The following EBF4 variants were observed in gnomAD, a reference collection of about 807,000 sequenced individuals.
The protein encoded by EBF4 is transcription factor COE4.
A neutral mutation model predicts 67.1 loss-of-function variants in EBF4; 34 were observed. That is an observed-to-expected ratio of 0.51 (90% confidence interval 0.39 to 0.67). EBF4 has a LOEUF of 0.67. Among genes scored for constraint, EBF4 ranks in the 30% least tolerant of loss-of-function variants. The pLI is 0.00. For synonymous variants in EBF4, 387 were observed against 377.7 expected (o/e 1.02, Z -0.29); for missense variants, 837 against 873.3 (o/e 0.96, Z 0.52).
At chr20:2,736,260 C>T (rs2087875344) in intron 6 of EBF4, among the ~76,000 whole-genome samples, 1 of 152,110 alleles carries the variant, frequency 6.6e-6, no homozygotes, top group East Asian at 1.9e-4. Context: ...TATGGATACT[C>T]CCTGGCATTT....
chr20:2,729,857 G>A (rs1461970330), intron 6 of EBF4, among the ~76,000 whole-genome samples: 1 of 152,194 alleles, frequency 6.6e-6, no homozygotes, highest in Admixed American at 6.5e-5. Flanking sequence ...CCCTCACAGG[G>A]AGTGAAGGAA....
rs2088233401 is a variant in EBF4 at position 2,755,749 on chromosome 20, G to GC, written c.1665dup (p.Phe556LeufsTer29). 1 of 1,550,740 alleles carries GC rather than the reference G, an allele frequency of 6.4e-7. No homozygotes were observed. The highest frequency in any genetic ancestry group is 1.4e-5 in the African/African-American group (1 of 73,060). The stretch of plus-strand genomic sequence containing the variant: ...GATCTCCGCCGTCAAACAGAGGAGC[G>GC]CCTTCGCCCCCGTGCTGCGCCCCCC... On this transcript the variant is annotated frameshift_variant, in exon 15 of 17. Coordinates refer to ENST00000609451, the Ensembl canonical transcript of EBF4. LOFTEE classifies it high-confidence loss of function. The surrounding 1 kb of genome is among the most constrained non-coding windows in gnomAD (Gnocchi z 4.7).
chr20:2,701,035 T>C (rs2087367467), intron 1 of EBF4, among the ~76,000 whole-genome samples: 1 of 152,226 alleles, frequency 6.6e-6, no homozygotes, highest in Non-Finnish European at 1.5e-5. Flanking sequence ...GCAGGGCTCT[T>C]GCCCACTCTG....
At chr20:2,734,947 C>T (rs1181444888) in intron 6 of EBF4, among the ~76,000 whole-genome samples, 1 of 152,196 alleles carries the variant, frequency 6.6e-6, no homozygotes, top group Non-Finnish European at 1.5e-5. Flanking sequence ...CCTCTCCCTG[C>T]ACATATGCAT....
intron 6 of EBF4, among the ~76,000 whole-genome samples, chr20:2,738,978 C>T (rs572105441): frequency 7.8e-4 from 119 of 152,248 alleles, no homozygotes; most frequent in South Asian, 2.3e-3. Flanking sequence ...CACCTCTACC[C>T]GGGTGGGGAT....
chr20:2,749,884 C>G (rs939941906), exon 10 of EBF4: 2 of 1,551,468 alleles, frequency 1.3e-6, no homozygotes, highest in Non-Finnish European at 1.7e-6. Flanking sequence ...CAGACGCCCC[C>G]GCGGCACATC....
Position 2,755,871 on chromosome 20 carries a change from G to A in EBF4, c.1738+47G>A, listed in dbSNP as rs1233434611. On this transcript the variant is annotated intron_variant, in intron 15 of 16. Coordinates refer to ENST00000609451, the Ensembl canonical transcript of EBF4. This position sits in a 1 kb window ranked among gnomAD's most constrained non-coding sequence, Gnocchi z 4.7. ...ACTGTGGCAGGAAGGAAGGGCCCTTGTGGAGCAGCTGGGCTACAGGGGCCT... is the reference window on the plus strand; with the variant it reads ...ACTGTGGCAGGAAGGAAGGGCCCTTATGGAGCAGCTGGGCTACAGGGGCCT... The A allele has an allele frequency of 1.3e-6, 2 of 1,513,814 alleles. No individual in the cohort carries two copies. Among genetic ancestry groups the A allele is most frequent in the South Asian group, 1.2e-5 (1 of 81,896 alleles). The allele number at this position is 1,513,814 out of a possible 1,614,324, so 93.8% of individuals were successfully genotyped here.
intron 6 of EBF4, among the ~76,000 whole-genome samples, chr20:2,719,375 A>G (rs1342544448): frequency 6.6e-6 from 1 of 152,204 alleles, no homozygotes; most frequent in Non-Finnish European, 1.5e-5. Context: ...CCCAGGCTCA[A>G]GCGATTCTCC....
chr20:2,711,901 A>C (rs1234171510), intron 6 of EBF4, among the ~76,000 whole-genome samples: 1 of 152,242 alleles, frequency 6.6e-6, no homozygotes. Flanking sequence ...AAAAGATGAC[A>C]TTTGAGCCAA....
chr20:2,698,763 C>T (rs6037346), intron 1 of EBF4, among the ~76,000 whole-genome samples: 45,386 of 151,990 alleles, frequency 0.3, 8,380 homozygotes, highest in African/African-American at 0.52. Flanking sequence ...GCTTGTCCCC[C>T]GTAGCCCTAG....
At chr20:2,731,764 T>C (rs2087817345) in intron 6 of EBF4, among the ~76,000 whole-genome samples, 1 of 152,218 alleles carries the variant, frequency 6.6e-6, no homozygotes, top group Non-Finnish European at 1.5e-5. Context: ...ATGGTATTCC[T>C]TTTAGAACAG....
chr20:2,758,744 C>T, intron 15 of EBF4, 165 bp from the exon 16 acceptor site: 2 of 654,272 alleles, frequency 3.1e-6, no homozygotes, highest in South Asian at 3.5e-5. Flanking sequence ...GAGAGGCACC[C>T]CTCACCCCGA....
In EBF4 at chr20:2,755,734, G is replaced by A. The variant is rs371934009; in HGVS notation, c.1648G>A (p.Val550Ile). ...CTCGCCTGTCAACATGATCTCCGCC[G>A]TCAAACAGAGGAGCGCCTTCGCCCC... Residue 550 changes from valine to isoleucine, a missense_variant, in exon 15 of 17, where the codon GTC (valine) becomes ATC (isoleucine). Physicochemically the swap from Val to Ile is conservative, Grantham distance 29. Around this residue, in one of 3 missense-constraint regions of EBF4, gnomAD observed 525 missense variants for 496.5 expected, o/e 1.06. Coordinates refer to ENST00000609451, the Ensembl canonical transcript of EBF4. This position sits in a 1 kb window ranked among gnomAD's most constrained non-coding sequence, Gnocchi z 4.7. The A allele has an allele frequency of 7.2e-5, 111 of 1,550,630 alleles. No individual in the cohort carries two copies. The highest frequency in any genetic ancestry group is 9.0e-5 in the Non-Finnish European group (103 of 1,146,886).
intron 1 of EBF4, among the ~76,000 whole-genome samples, chr20:2,699,343 A>G (rs1345888473): frequency 6.6e-6 from 1 of 152,216 alleles, no homozygotes; most frequent in East Asian, 1.9e-4. Flanking sequence ...ACCCATGCTC[A>G]CTACAAAGCA....
At chr20:2,719,838 T>G (rs1048566915) in intron 6 of EBF4, among the ~76,000 whole-genome samples, 4 of 152,266 alleles carry the variant, frequency 2.6e-5, no homozygotes, top group African/African-American at 9.6e-5. Context: ...ATATTTTGCC[T>G]GCGCTTGTGA....
Position 2,758,718 on chromosome 20 carries a change from C to T in EBF4, c.1739-191C>T, listed in dbSNP as rs903789134. On this transcript the variant is annotated intron_variant, in intron 15 of 16. Transcript: ENST00000609451. ...AGGTAGGGAGCAAGGGCGTGGGCTG[C>T]ATCCCCTGAGCATCTGAGAGGCACC... 21 of 617,602 alleles carry T rather than the reference C, an allele frequency of 3.4e-5. No individual in the cohort carries two copies. In the Admixed American group the frequency reaches 3.4e-4, roughly 10 times the overall value. The allele number at this position is 617,602 out of a possible 1,614,324, so 38.3% of individuals were successfully genotyped here.
Position 2,709,660 on chromosome 20 carries a change from G to T in EBF4, c.557+18G>T. On this transcript the variant is annotated intron_variant, in intron 6 of 16. Transcript: ENST00000609451. ...ATTGACAGGTACAGGCTCAGGGAGG[G>T]GGCCTGGAAGCTCAGAGGAGAGTGG... is the stretch of plus-strand genomic sequence containing the variant. 1 of 1,524,862 alleles carries T rather than the reference G, an allele frequency of 6.6e-7. No homozygotes were observed. The highest frequency in any genetic ancestry group is 8.8e-7 in the Non-Finnish European group (1 of 1,130,446). The allele number at this position is 1,524,862 out of a possible 1,614,324, so 94.5% of individuals were successfully genotyped here. A position where few individuals can be genotyped will look rare whatever the true frequency, so the allele number is the denominator to read the frequency against.
chr20:2,737,697 G>C (rs965710912), intron 6 of EBF4, among the ~76,000 whole-genome samples: 1 of 151,952 alleles, frequency 6.6e-6, no homozygotes, highest in Non-Finnish European at 1.5e-5. Flanking sequence ...CAGGCCGGGC[G>C]CAGTGGCTCA....
At chr20:2,698,839 G>C (rs1019229367) in intron 1 of EBF4, among the ~76,000 whole-genome samples, 1 of 152,142 alleles carries the variant, frequency 6.6e-6, no homozygotes, top group African/African-American at 2.4e-5. Context: ...AGTTATCAAG[G>C]CAGCCAGGAG....
Sources: gnomAD v4.1 joint callset for allele counts (sites outside exome capture counted in the v4.1 genomes callset) on GRCh38, gnomAD v4.1.1 for gene constraint, gnomAD v4.1.1 regional missense constraint, Gnocchi (gnomAD v3.1) non-coding constraint, MANE v1.5 for transcripts, NCBI Gene and HGNC (gene_info 2026-07-23, HGNC 2026-07-21) for gene names.